Variants in BICDL1 observed in about 807,000 individuals in gnomAD.
The protein encoded by BICDL1 is BICD family-like cargo adapter 1.
Under a neutral mutation model 76.8 loss-of-function variants are expected in BICDL1, and 20 were observed. The observed-to-expected ratio is 0.26, with a 90% CI of 0.18 to 0.38. BICDL1 has a LOEUF of 0.38. BICDL1 is among the 10% of genes least tolerant of loss of function. The pLI is 1.00. For missense variants in BICDL1, 700 were observed against 798.6 expected, an observed-to-expected ratio of 0.88 and a Z score of 1.49; for synonymous variants, 383 against 337.1, an observed-to-expected ratio of 1.14 and a Z score of -1.49.
chr12:120,055,100 C>T lies in BICDL1; in HGVS notation c.646-6610C>T, dbSNP rs534315681. Among the ~76,000 whole-genome samples, 92 of 152,238 alleles carry T rather than the reference C, an allele frequency of 6.0e-4. 2 individuals carry two copies. The highest frequency in any genetic ancestry group is 9.7e-4 in the Non-Finnish European group (66 of 68,012). On this transcript the variant is annotated intron_variant, in intron 2 of 9. Coordinates refer to ENST00000548673, the MANE Select transcript of BICDL1 (RefSeq NM_001367886.1). ...ATCCTCATTGTCACTGTCACTGCCA[C>T]CCCAAAAGGTGCCCATTATCCATCA...
At chr12:120,030,206 T>TA (rs1952394428) in intron 2 of BICDL1, among the ~76,000 whole-genome samples, 1 of 152,210 alleles carries the variant, frequency 6.6e-6, no homozygotes, top group Non-Finnish European at 1.5e-5. Context: ...AACAATACTG[T>TA]ATTAGTAACT....
chr12:120,063,013 C>G (rs1953139368), intron 3 of BICDL1, among the ~76,000 whole-genome samples: 1 of 152,130 alleles, frequency 6.6e-6, no homozygotes. Flanking sequence ...AACACTGATT[C>G]CCTGCTTTGT....
chr12:120,085,907 CATGGAAGGTGGG>C (rs1277390230), intron 8 of BICDL1, among the ~76,000 whole-genome samples: 10 of 148,858 alleles, frequency 6.7e-5, no homozygotes, highest in South Asian at 6.4e-4. Context: ...CTGTCATCAG[CATGGAAGGTGGG>C]ATGGAAGGTG....
chr12:120,040,358 T>C (rs1952614208), intron 2 of BICDL1, among the ~76,000 whole-genome samples: 1 of 152,182 alleles, frequency 6.6e-6, no homozygotes, highest in Non-Finnish European at 1.5e-5. Flanking sequence ...CCCAAAGTGC[T>C]GAGATTAACA....
chr12:120,017,260 G>A (rs1263672273), intron 2 of BICDL1, among the ~76,000 whole-genome samples: 1 of 152,262 alleles, frequency 6.6e-6, no homozygotes, highest in East Asian at 1.9e-4. Context: ...CTTTTAAAAG[G>A]ATTTATATTC....
chr12:120,020,092 C>A lies in BICDL1; in HGVS notation c.645+21356C>A, dbSNP rs895663512. Among the ~76,000 whole-genome samples the A allele has an allele frequency of 7.9e-5, 12 of 152,272 alleles. 2 individuals are homozygous for A. The highest frequency in any genetic ancestry group is 5.9e-4 in the Admixed American group (9 of 15,286). On this transcript the variant is annotated intron_variant, in intron 2 of 9. Transcript: ENST00000548673. ...AAATACTAGTTAGTAGTAATGAGCA[C>A]CCCCAGTGCCCATATTTTAATTTCT...
intron 9 of BICDL1, chr12:120,091,742 T>A: frequency 1.0e-6 from 1 of 985,384 alleles, no homozygotes; most frequent in Non-Finnish European, 1.2e-6. Flanking sequence ...GGAAGGCCCC[T>A]TTGTTTCATG....
At chr12:120,054,988 A>G (rs1045128670) in intron 2 of BICDL1, among the ~76,000 whole-genome samples, 6 of 151,488 alleles carry the variant, frequency 4.0e-5, no homozygotes, top group Admixed American at 6.6e-5. Flanking sequence ...AAGATTGGGG[A>G]AAAAATAAAA....
chr12:119,991,610 C>A (rs146179426), intron 1 of BICDL1, among the ~76,000 whole-genome samples: 1 of 151,942 alleles, frequency 6.6e-6, no homozygotes, highest in Non-Finnish European at 1.5e-5. Context: ...AAATAAAAAG[C>A]CTTCCTTTTT....
chr12:120,059,220 C>T (rs540505058), intron 2 of BICDL1, among the ~76,000 whole-genome samples: 11 of 152,176 alleles, frequency 7.2e-5, no homozygotes, highest in South Asian at 2.1e-4. Context: ...CTCAACCTCC[C>T]AATAGCTGGT....
intron 2 of BICDL1, among the ~76,000 whole-genome samples, chr12:120,058,107 A>G (rs767296539): frequency 1.3e-4 from 20 of 151,948 alleles, no homozygotes; most frequent in South Asian, 2.1e-4. Flanking sequence ...TTCTGGGACC[A>G]CAGGCATGAG....
chr12:120,051,652 G>A (rs1387760296), intron 2 of BICDL1, among the ~76,000 whole-genome samples: 2 of 151,894 alleles, frequency 1.3e-5, no homozygotes, highest in East Asian at 3.9e-4. Flanking sequence ...TAAAAAGTTA[G>A]GCTTAAAAAA....
intron 7 of BICDL1, 58 bp from the exon 8 acceptor site, chr12:120,080,829 C>G (rs1873911076): frequency 6.3e-7 from 1 of 1,590,940 alleles, no homozygotes; most frequent in East Asian, 2.3e-5. Context: ...CTTTTTCCCT[C>G]TTGGAGGGAA....
At chr12:120,092,246 G>A in intron 9 of BICDL1, 5 of 985,474 alleles carry the variant, frequency 5.1e-6, no homozygotes, top group Non-Finnish European at 6.0e-6. Context: ...CTGCTGTTCT[G>A]TAAAACATGG....
intron 2 of BICDL1, among the ~76,000 whole-genome samples, chr12:120,020,524 C>T (rs1232361213): frequency 6.6e-6 from 1 of 151,980 alleles, no homozygotes; most frequent in Non-Finnish European, 1.5e-5. Flanking sequence ...CCAGGAGCAA[C>T]CTTTTTTTTT....
At chr12:120,084,901 A>G (rs1441825129) in intron 8 of BICDL1, among the ~76,000 whole-genome samples, 1 of 151,968 alleles carries the variant, frequency 6.6e-6, no homozygotes, top group Non-Finnish European at 1.5e-5. Context: ...AAAAAAAAAA[A>G]AAAAAATTAC....
rs1218660375 is a variant in BICDL1 at position 120,094,387 on chromosome 12, TTATAA to T, written c.*1231_*1235del. 2.4e-6 allele frequency: 1 copy of T among 422,760 alleles called. No individual in the cohort carries two copies. Among genetic ancestry groups the T allele is most frequent in the Non-Finnish European group, 4.8e-6 (1 of 207,194 alleles). 26.2% of individuals were successfully genotyped at this position (422,760 alleles called of 1,614,324 possible). A position where few individuals can be genotyped will look rare whatever the true frequency, so the allele number is the denominator to read the frequency against. On this transcript the variant is annotated 3_prime_UTR_variant, in exon 10 of 10. Transcript: ENST00000548673. The stretch of plus-strand genomic sequence containing the variant: ...AATCATGTAAATACATGTATGGATT[TTATAA>T]TATACATATATAAAAATCTATAAAG...
chr12:120,093,029 G>C lies in BICDL1; in HGVS notation c.1734G>C (p.Gln578His). The change falls in exon 10 of 10, where the codon CAG becomes CAC. Residue 578 changes from glutamine (Q) to histidine (H), a missense_variant. Physicochemically the swap from Gln to His is conservative, Grantham distance 24. Coordinates refer to ENST00000548673, the MANE Select transcript of BICDL1 (RefSeq NM_001367886.1). The part of the protein sequence containing the change: ...QDDMHRVIDR[Q>H]LMDTHLKERS... ...ACATGCACAGGGTCATTGACCGGCAGCTGATGGACACGCACCTGAAAGAAC... is the reference window on the plus strand; with the variant it reads ...ACATGCACAGGGTCATTGACCGGCACCTGATGGACACGCACCTGAAAGAAC... 1.3e-6 allele frequency: 2 copies of C among 1,586,252 alleles called. No individual in the cohort carries two copies. Among genetic ancestry groups the C allele is most frequent in the Non-Finnish European group, 1.7e-6 (2 of 1,164,364 alleles).
chr12:120,017,565 C>CA (rs1380169306), intron 2 of BICDL1, among the ~76,000 whole-genome samples: 1 of 151,928 alleles, frequency 6.6e-6, no homozygotes, highest in Non-Finnish European at 1.5e-5. Flanking sequence ...CCCGTCTCTG[C>CA]AAAAATTTTT....
Sources: gnomAD v4.1 joint callset for allele counts (sites outside exome capture counted in the v4.1 genomes callset) on GRCh38, gnomAD v4.1.1 for gene constraint, MANE v1.5 for transcripts, NCBI Gene and HGNC (gene_info 2026-07-23, HGNC 2026-07-21) for gene names.